The following PCDHGB4 variants were observed in gnomAD, a reference collection of about 807,000 sequenced individuals.
PCDHGB4 encodes protocadherin gamma subfamily B, 4, also known as protocadherin gamma-B4.
PCDHGB4 carries 38 observed loss-of-function variants against 60.5 expected under a neutral mutation model. The observed-to-expected ratio is 0.63, with a 90% CI of 0.48 to 0.82. PCDHGB4 has a LOEUF of 0.82. Ranked by LOEUF, PCDHGB4 falls within the 40% of genes least tolerant of loss-of-function variation. The probability of loss-of-function intolerance (pLI) is 0.00; values close to 1 mark genes in which losing one functional copy is unlikely to be tolerated. For synonymous variants in PCDHGB4, 456 were observed against 509.7 expected, an observed-to-expected ratio of 0.89 and a Z score of 1.42; for missense variants, 1,109 against 1,209.6, an observed-to-expected ratio of 0.92 and a Z score of 1.23.
At chr5:141,443,317 C>A (rs898636207) in intron 1 of PCDHGB4, among the ~76,000 whole-genome samples, 39 of 142,046 alleles carry the variant, frequency 2.7e-4, no homozygotes, top group Non-Finnish European at 2.5e-4. Context: ...CCCATCTCTA[C>A]AAAAAAAAAA....
chr5:141,420,405 T>C (rs1188012975), intron 1 of PCDHGB4: 7 of 1,241,232 alleles, frequency 5.6e-6, no homozygotes, highest in East Asian at 5.7e-5. Flanking sequence ...AAATTTATGG[T>C]TATCATTATT....
At chr5:141,394,855 C>A in intron 1 of PCDHGB4, 1 of 1,613,778 alleles carries the variant, frequency 6.2e-7, no homozygotes, top group Non-Finnish European at 8.5e-7. Flanking sequence ...CTGAAGCCTT[C>A]GGTCGACCCG....
At chr5:141,403,171 G>C (rs542727163) in intron 1 of PCDHGB4, 1 of 1,614,042 alleles carries the variant, frequency 6.2e-7, no homozygotes, top group Admixed American at 1.7e-5. Flanking sequence ...GTAGGACGCA[G>C]CTTTTCTCTC....
intron 1 of PCDHGB4, chr5:141,409,291 A>G: frequency 6.2e-7 from 1 of 1,614,000 alleles, no homozygotes; most frequent in Non-Finnish European, 8.5e-7. Context: ...CACCTCCAGG[A>G]ATGGTTGTTG....
At chr5:141,433,400 TATCTATTA>T (rs1426636766) in intron 1 of PCDHGB4, among the ~76,000 whole-genome samples, 16 of 151,506 alleles carry the variant, frequency 1.1e-4, no homozygotes, top group African/African-American at 3.4e-4. Context: ...TCTATCTATC[TATCTATTA>T]CTTTCTTGTA....
intron 1 of PCDHGB4, among the ~76,000 whole-genome samples, chr5:141,483,980 G>C (rs1379963326): frequency 2.0e-5 from 3 of 148,294 alleles, no homozygotes; most frequent in African/African-American, 7.5e-5. Flanking sequence ...CAAGGGAGTA[G>C]CTAGGTTGCT....
At chr5:141,488,859 G>A (rs1033425540) in intron 1 of PCDHGB4, among the ~76,000 whole-genome samples, 12 of 152,204 alleles carry the variant, frequency 7.9e-5, no homozygotes, top group African/African-American at 2.9e-4. Context: ...GCAGCACGAA[G>A]TGAGTGGGGA....
At chr5:141,501,290 TACAC>T (rs55762287) in intron 2 of PCDHGB4, among the ~76,000 whole-genome samples, 45,565 of 135,778 alleles carry the variant, frequency 0.34, 7,845 homozygotes, top group Non-Finnish European at 0.42. Flanking sequence ...TATTCCCTTA[TACAC>T]ACACACACAC....
At chr5:141,408,819 G>A in intron 1 of PCDHGB4, 1 of 1,613,520 alleles carries the variant, frequency 6.2e-7, no homozygotes, top group Non-Finnish European at 8.5e-7. Context: ...GAAGAACAGA[G>A]ATCTCATAGC....
intron 1 of PCDHGB4, among the ~76,000 whole-genome samples, chr5:141,461,958 G>C (rs1048690044): frequency 4.5e-4 from 69 of 152,272 alleles, no homozygotes; most frequent in Non-Finnish European, 2.9e-4. Context: ...TGAGTAGCTG[G>C]GATTCCAGGC....
At chr5:141,417,892 C>T (rs550343206) in intron 1 of PCDHGB4, 13 of 1,570,660 alleles carry the variant, frequency 8.3e-6, no homozygotes, top group African/African-American at 5.4e-5. Flanking sequence ...GGCGCCGGGC[C>T]GGCCCGCGGC....
At chr5:141,428,097 C>T (rs2097109296) in intron 1 of PCDHGB4, 2 of 1,608,758 alleles carry the variant, frequency 1.2e-6, no homozygotes, top group African/African-American at 1.3e-5. Flanking sequence ...GCTGTCCTAC[C>T]ACGTGCTGCA....
chr5:141,447,852 G>A (rs375081279), intron 1 of PCDHGB4, among the ~76,000 whole-genome samples: 2 of 152,144 alleles, frequency 1.3e-5, no homozygotes, highest in East Asian at 3.9e-4. Context: ...TTGGGAGGCC[G>A]AGGTGGGTGA....
chr5:141,418,102 C>T (rs760484009), intron 1 of PCDHGB4: 15 of 1,614,014 alleles, frequency 9.3e-6, no homozygotes, highest in Non-Finnish European at 1.3e-5. Context: ...ACGCGCAGAG[C>T]GGGGACTTAC....
intron 1 of PCDHGB4, among the ~76,000 whole-genome samples, chr5:141,433,837 CAA>C (rs56191208): frequency 1.4e-4 from 16 of 111,664 alleles, no homozygotes; most frequent in Non-Finnish European, 1.2e-4. Context: ...AACTCTATCT[CAA>C]AAAAAAAAAA....
chr5:141,389,990 C>CTCA lies in PCDHGB4; in HGVS notation c.2106_2107insTCA (p.Leu702_Val703insSer), dbSNP rs1156236363. The CTCA allele has an allele frequency of 2.5e-6, 4 of 1,614,044 alleles. No individual in the cohort carries two copies. Among genetic ancestry groups the CTCA allele is most frequent in the Non-Finnish European group, 2.5e-6 (3 of 1,179,900 alleles). ...TGGCCTTGATCTCAGTGCTCTTCCT[C>CTCA]GTGGCCATGATTCTGGCCATTGCCT... On this transcript the variant is annotated inframe_insertion, in exon 1 of 4. Coordinates refer to ENST00000519479, the MANE Select transcript of PCDHGB4 (RefSeq NM_003736.4).
chr5:141,403,547 G>T (rs940508173), intron 1 of PCDHGB4: 8 of 1,613,888 alleles, frequency 5.0e-6, no homozygotes, highest in African/African-American at 1.3e-5. Flanking sequence ...GCTGGAGCGC[G>T]CCCTGGACAG....
At chr5:141,400,668 G>A in intron 1 of PCDHGB4, 3 of 970,702 alleles carry the variant, frequency 3.1e-6, no homozygotes, top group Non-Finnish European at 4.6e-6. Context: ...TCTTTAAGAG[G>A]AGCAGTAAAT....
chr5:141,448,394 T>A (rs1360417681), intron 1 of PCDHGB4, among the ~76,000 whole-genome samples: 2 of 152,206 alleles, frequency 1.3e-5, no homozygotes, highest in Admixed American at 6.5e-5. Context: ...TACATTTACA[T>A]GGTTTTAAAA....
Sources: gnomAD v4.1 joint callset for allele counts (sites outside exome capture counted in the v4.1 genomes callset) on GRCh38, gnomAD v4.1.1 for gene constraint, MANE v1.5 for transcripts, NCBI Gene and HGNC (gene_info 2026-07-23, HGNC 2026-07-21) for gene names.